The following NEBL variants were observed in gnomAD, a reference collection of about 807,000 sequenced individuals.
NEBL encodes the protein nebulette, also known as LIM and SH3 protein 2.
A neutral mutation model predicts 140.2 loss-of-function variants in NEBL; 122 were observed. The ratio of observed to expected loss-of-function variants is 0.87; its 90% CI spans 0.75 to 1.01. NEBL has a LOEUF of 1.01. NEBL is among the 50% of genes least tolerant of loss of function. The pLI is 0.00. For missense variants in NEBL, 1,365 were observed against 1,231.3 expected (o/e 1.11, Z -1.62); for synonymous variants, 436 against 398.9 (o/e 1.09, Z -1.11).
intron 2 of NEBL, among the ~76,000 whole-genome samples, chr10:21,040,303 T>C (rs1226159679): frequency 6.6e-6 from 1 of 151,506 alleles, no homozygotes; most frequent in African/African-American, 2.4e-5. Flanking sequence ...GAGGTGGAGG[T>C]TGCTCCAGCC....
At chr10:21,137,676 T>A (rs1545202) in intron 2 of NEBL, among the ~76,000 whole-genome samples, 5,626 of 152,166 alleles carry the variant, frequency 0.037, 190 homozygotes, top group East Asian at 0.16. Flanking sequence ...CTCATGACTG[T>A]AATCCCAGCA....
intron 3 of NEBL, among the ~76,000 whole-genome samples, chr10:21,188,001 TC>T (rs1403977249): frequency 1.3e-5 from 2 of 152,138 alleles, no homozygotes; most frequent in East Asian, 3.9e-4. Flanking sequence ...TGTTTCTCTC[TC>T]GGGCTTGTCT....
chr10:21,269,338 TG>T (rs1842834207), intron 1 of NEBL, among the ~76,000 whole-genome samples: 1 of 152,208 alleles, frequency 6.6e-6, no homozygotes, highest in Non-Finnish European at 1.5e-5. Context: ...TGAACATGCC[TG>T]TCACAGCCAC....
upstream of NEBL, chr10:20,899,334 A>G: frequency 1.7e-6 from 2 of 1,167,258 alleles, no homozygotes; most frequent in Non-Finnish European, 2.3e-6. Context: ...AGGAGACAGT[A>G]CTGGTGTTAC....
intron 2 of NEBL, chr10:21,020,289 T>C (rs1838735611): frequency 2.6e-6 from 3 of 1,148,056 alleles, no homozygotes; most frequent in Middle Eastern, 1.9e-4. Context: ...CATCCCCCCT[T>C]TTCCCAACCC....
intron 2 of NEBL, among the ~76,000 whole-genome samples, chr10:21,168,845 G>A (rs986932474): frequency 7.3e-5 from 11 of 150,792 alleles, no homozygotes; most frequent in Non-Finnish European, 1.0e-4. Flanking sequence ...TCAGGAGATC[G>A]AGACCATCCT....
At chr10:20,949,369 C>T (rs113113534) in intron 4 of NEBL, among the ~76,000 whole-genome samples, 1,597 of 152,138 alleles carry the variant, frequency 0.01, 20 homozygotes, top group African/African-American at 0.037. Flanking sequence ...ACCTAGGTGA[C>T]GGATTGATAG....
chr10:21,107,962 A>AT (rs1465471001), intron 2 of NEBL, among the ~76,000 whole-genome samples: 1 of 152,050 alleles, frequency 6.6e-6, no homozygotes, highest in Non-Finnish European at 1.5e-5. Flanking sequence ...GCATAGAGTT[A>AT]TTTATGGTAT....
chr10:21,252,907 A>G (rs980209283), intron 1 of NEBL, among the ~76,000 whole-genome samples: 5 of 152,088 alleles, frequency 3.3e-5, no homozygotes, highest in African/African-American at 9.7e-5. Flanking sequence ...GTGAGCTAAG[A>G]TTACACCACT....
rs1394927765 is a variant in NEBL, at chr10:21,290,304, C to T, written n.182+2526G>A. ...CAGAGCACTGCAAAATATGATGCTCCGGTATGCTGAGCATTTTTGAATTAA... is the reference window on the plus strand; with the variant it reads ...CAGAGCACTGCAAAATATGATGCTCTGGTATGCTGAGCATTTTTGAATTAA... On this transcript the variant is annotated intron_variant and non_coding_transcript_variant, in intron 1 of 8. Transcript: ENST00000675702. Among the ~76,000 whole-genome samples the T allele has an allele frequency of 4.6e-5, 7 of 152,168 alleles. No homozygotes were observed. The South Asian group carries it at 6.2e-4, about 14-fold the overall frequency.
At chr10:20,910,245 A>G (rs1176423661) in intron 4 of NEBL, among the ~76,000 whole-genome samples, 1 of 152,208 alleles carries the variant, frequency 6.6e-6, no homozygotes, top group Admixed American at 6.5e-5. Context: ...CAAAAGCAGT[A>G]TTTCTTTTAT....
chr10:20,892,145 C>T (rs1422311099), intron 2 of NEBL, among the ~76,000 whole-genome samples: 2 of 152,212 alleles, frequency 1.3e-5, no homozygotes, highest in African/African-American at 2.4e-5. Flanking sequence ...TGAGAGCAGC[C>T]AGGCTCCTGC....
At chr10:21,004,656 C>T (rs1589128552) in intron 3 of NEBL, among the ~76,000 whole-genome samples, 1 of 151,760 alleles carries the variant, frequency 6.6e-6, no homozygotes, top group Admixed American at 6.6e-5. Flanking sequence ...GGAGGTGGAG[C>T]TTGCAGTGAG....
intron 3 of NEBL, among the ~76,000 whole-genome samples, chr10:21,007,767 A>G (rs57286177): frequency 0.029 from 4,471 of 152,312 alleles, 218 homozygotes; most frequent in African/African-American, 0.1. Context: ...CTTGAATTAC[A>G]TCTGTGCTTG....
At chr10:21,262,563 T>C (rs547704238) in intron 1 of NEBL, among the ~76,000 whole-genome samples, 3 of 152,184 alleles carry the variant, frequency 2.0e-5, no homozygotes, top group Non-Finnish European at 4.4e-5. Context: ...TTTGATGAAT[T>C]CAAAGCTGTG....
intron 3 of NEBL, 58 bp downstream of exon 3, chr10:20,889,787 A>G: frequency 1.9e-6 from 2 of 1,030,142 alleles, no homozygotes; most frequent in Non-Finnish European, 3.1e-6. Flanking sequence ...ACAGACTTTC[A>G]TCTATATAAT....
chr10:21,273,529 G>T (rs1173035694), intron 1 of NEBL, among the ~76,000 whole-genome samples: 1 of 152,138 alleles, frequency 6.6e-6, no homozygotes, highest in African/African-American at 2.4e-5. Context: ...GTGAGGCTGT[G>T]GTTTCCAGTT....
rs773469997 is a variant in NEBL at position 20,858,242 on chromosome 10, C to T, written c.901G>A (p.Gly301Ser). 24 of 1,598,182 alleles carry T rather than the reference C, an allele frequency of 1.5e-5. No individual in the cohort carries two copies. The highest frequency in any genetic ancestry group is 1.7e-4 in the Middle Eastern group (1 of 6,042). ...TTGCCGCTAGATGAACCACTTACGC[C>T]GCTGAGCATTTTGCTGGCTTTCAAA... is the stretch of plus-strand genomic sequence containing the variant. Reference protein sequence around the residue: ...HVLKASKMLSGREYKKLFEEN... With the variant: ...HVLKASKMLSSREYKKLFEEN... The change falls in exon 9 of 28, where the codon GGC (glycine) becomes AGC (serine). Residue 301 changes from glycine to serine, a missense_variant and splice_region_variant. Gly to Ser is a moderately conservative substitution (Grantham distance 56). Transcript: ENST00000377122.
At chr10:20,842,728 G>A (rs373525896) in intron 12 of NEBL, among the ~76,000 whole-genome samples, 52 of 151,552 alleles carry the variant, frequency 3.4e-4, no homozygotes, top group Non-Finnish European at 4.9e-4. Flanking sequence ...TTACTTTTTC[G>A]TGGCGAGAAC....
Sources: gnomAD v4.1 joint callset for allele counts (sites outside exome capture counted in the v4.1 genomes callset) on GRCh38, gnomAD v4.1.1 for gene constraint, MANE v1.5 for transcripts, NCBI Gene and HGNC (gene_info 2026-07-23, HGNC 2026-07-21) for gene names.